Variants in LAMA2 observed in about 807,000 individuals in gnomAD.
The protein encoded by LAMA2 is laminin subunit alpha-2.
LAMA2 carries 269 observed loss-of-function variants against 364.8 expected under a neutral mutation model. The observed-to-expected ratio is 0.74, with a 90% CI of 0.67 to 0.82. The LOEUF is 0.82. LAMA2 is among the 40% of genes least tolerant of loss of function. The pLI is 0.00. For missense variants in LAMA2, 3,807 were observed against 3,873.2 expected, an observed-to-expected ratio of 0.98 and a Z score of 0.45; for synonymous variants, 1,379 against 1,370.6, an observed-to-expected ratio of 1.01 and a Z score of -0.14.
At chr6:129,408,438 G>A (rs1256927514) in intron 40 of LAMA2, among the ~76,000 whole-genome samples, 2 of 152,200 alleles carry the variant, frequency 1.3e-5, no homozygotes, top group Non-Finnish European at 2.9e-5. Context: ...TGTAAAGTGA[G>A]TGCCTTGTTC....
chr6:129,152,466 A>G (rs780988539), intron 7 of LAMA2, among the ~76,000 whole-genome samples: 1 of 152,204 alleles, frequency 6.6e-6, no homozygotes, highest in Non-Finnish European at 1.5e-5. Flanking sequence ...CCAGGAATTT[A>G]CCCTATAGAT....
chr6:129,380,989 T>G (rs1257701100), intron 34 of LAMA2, among the ~76,000 whole-genome samples: 1 of 152,238 alleles, frequency 6.6e-6, no homozygotes, highest in Admixed American at 6.5e-5. Context: ...AAAGAGACAG[T>G]GTATGATATA....
intron 9 of LAMA2, among the ~76,000 whole-genome samples, chr6:129,169,327 T>A (rs1199616214): frequency 6.7e-6 from 1 of 149,928 alleles, no homozygotes; most frequent in African/African-American, 2.5e-5. Context: ...ATATTTTGAA[T>A]TACGTCCCAT....
chr6:129,080,440 T>C (rs1457369532), intron 3 of LAMA2, among the ~76,000 whole-genome samples: 1 of 152,160 alleles, frequency 6.6e-6, no homozygotes, highest in Non-Finnish European at 1.5e-5. Flanking sequence ...AAGTGAAACT[T>C]AGGATTTACC....
At chr6:129,406,735 G>A (rs918748342) in intron 40 of LAMA2, among the ~76,000 whole-genome samples, 1 of 152,100 alleles carries the variant, frequency 6.6e-6, no homozygotes, top group Admixed American at 6.6e-5. Context: ...ATGTATTAAT[G>A]TTCTCTAGAA....
At chr6:129,200,095 C>T (rs1435565338) in intron 12 of LAMA2, among the ~76,000 whole-genome samples, 7 of 135,526 alleles carry the variant, frequency 5.2e-5, no homozygotes, top group African/African-American at 8.2e-5. Flanking sequence ...TATATATACA[C>T]GTGTATATGT....
chr6:129,464,605 GAT>G (rs1783444239), intron 50 of LAMA2, among the ~76,000 whole-genome samples, 153 bp downstream of exon 50: 1 of 151,976 alleles, frequency 6.6e-6, no homozygotes, highest in Admixed American at 6.6e-5. Context: ...GGGTGATACA[GAT>G]AGTGCTTATA....
chr6:129,176,035 T>C (rs982868016), intron 9 of LAMA2, among the ~76,000 whole-genome samples: 4 of 152,002 alleles, frequency 2.6e-5, no homozygotes, highest in African/African-American at 9.7e-5. Flanking sequence ...AATTTATCTA[T>C]TTTTAAAATA....
chr6:129,384,349 G>A (rs1456829151), intron 35 of LAMA2, among the ~76,000 whole-genome samples: 1 of 152,110 alleles, frequency 6.6e-6, no homozygotes, highest in East Asian at 1.9e-4. Flanking sequence ...CCTTCACTCT[G>A]AGCGGATCCC....
chr6:129,118,178 T>C (rs1776584481), intron 4 of LAMA2, among the ~76,000 whole-genome samples: 1 of 152,228 alleles, frequency 6.6e-6, no homozygotes, highest in Admixed American at 6.5e-5. Flanking sequence ...GCTGAACGAA[T>C]GAATTAACAA....
chr6:129,085,745 A>G (rs1774346805), intron 3 of LAMA2, among the ~76,000 whole-genome samples: 2 of 152,168 alleles, frequency 1.3e-5, no homozygotes, highest in African/African-American at 4.8e-5. Flanking sequence ...ATCATTTCTG[A>G]CCTGATGTCA....
chr6:129,395,998 A>G (rs1184301579), intron 37 of LAMA2, among the ~76,000 whole-genome samples: 1 of 152,186 alleles, frequency 6.6e-6, no homozygotes, highest in East Asian at 1.9e-4. Context: ...GCATTGTGAG[A>G]CTAAGCTAAG....
chr6:129,252,125 C>T lies in LAMA2; in HGVS notation c.1926C>T (p.Tyr642=), dbSNP rs1786299104. Residue 642 remains tyrosine, a synonymous_variant, in exon 14 of 65, where the codon TAC becomes TAT. Coordinates refer to ENST00000421865, the MANE Select transcript of LAMA2 (RefSeq NM_000426.4). ...TCAGCACAGCCCAAGATGAGGTGTACCTGCACCCATCTGAAGAACATACTA... is the reference window on the plus strand; with the variant it reads ...TCAGCACAGCCCAAGATGAGGTGTATCTGCACCCATCTGAAGAACATACTA... ...LSISTAQDEV[Y]LHPSEEHTNV... is the part of the protein sequence containing the mutation. The T allele has an allele frequency of 5.0e-6, 8 of 1,613,354 alleles. No individual in the cohort carries two copies. The highest frequency in any genetic ancestry group is 6.8e-6 in the Non-Finnish European group (8 of 1,179,560).
At chr6:129,351,806 G>A (rs1235642084) in intron 31 of LAMA2, among the ~76,000 whole-genome samples, 2 of 152,048 alleles carry the variant, frequency 1.3e-5, no homozygotes, top group Non-Finnish European at 2.9e-5. Context: ...AGCCATTTAA[G>A]TGGACTTACT....
chr6:129,492,238 G>A, intron 57 of LAMA2, 77 bp from the exon 58 acceptor site: 3 of 1,494,024 alleles, frequency 2.0e-6, no homozygotes, highest in Non-Finnish European at 1.9e-6. Flanking sequence ...ACTTAAAAAG[G>A]CATGCGGGGA....
At chr6:129,128,065 T>C (rs1232274810) in intron 4 of LAMA2, among the ~76,000 whole-genome samples, 1 of 152,190 alleles carries the variant, frequency 6.6e-6, no homozygotes, top group Non-Finnish European at 1.5e-5. Context: ...ATTCAAAACA[T>C]TATTACCCAG....
Position 129,381,877 on chromosome 6 carries a change from T to C in LAMA2, c.4960-1245T>C, listed in dbSNP as rs529495194. ...TGTTAACACTTGCAGGATGAGAAGT[T>C]AGATGATAATAGTTGGACTTTATAT... On this transcript the variant is annotated intron_variant, in intron 34 of 64. Transcript: ENST00000421865. 4.6e-5 allele frequency among the ~76,000 whole-genome samples: 7 copies of C among 152,338 alleles called. No individual in the cohort carries two copies. The South Asian group carries it at 1.2e-3, about 27-fold the overall frequency.
At chr6:129,373,776 A>G (rs1778220480) in intron 34 of LAMA2, among the ~76,000 whole-genome samples, 1 of 152,198 alleles carries the variant, frequency 6.6e-6, no homozygotes, top group South Asian at 2.1e-4. Flanking sequence ...GAATGGAATT[A>G]TGAGTTTTTG....
chr6:129,134,554 G>C (rs574652225), intron 4 of LAMA2, among the ~76,000 whole-genome samples: 1 of 152,172 alleles, frequency 6.6e-6, no homozygotes, highest in African/African-American at 2.4e-5. Context: ...GAATTGACAG[G>C]GGGGATGGGG....
Sources: gnomAD v4.1 joint callset for allele counts (sites outside exome capture counted in the v4.1 genomes callset) on GRCh38, gnomAD v4.1.1 for gene constraint, MANE v1.5 for transcripts, NCBI Gene and HGNC (gene_info 2026-07-23, HGNC 2026-07-21) for gene names.